The following FCRL3 variants were observed in gnomAD, a reference collection of about 807,000 sequenced individuals.
FCRL3 encodes the protein Fc receptor-like protein 3.
FCRL3 carries 89 observed loss-of-function variants against 75.0 expected under a neutral mutation model. That is an observed-to-expected ratio of 1.19 (90% CI 1.00 to 1.42). The LOEUF (loss-of-function observed/expected upper bound fraction) is 1.42, where lower values mean the gene tolerates loss of function less well. FCRL3 is among the 40% of genes most tolerant of loss of function. The pLI is 0.00. For synonymous variants in FCRL3, 376 were observed against 348.5 expected, an observed-to-expected ratio of 1.08 and a Z score of -0.88; for missense variants, 946 against 880.0, an observed-to-expected ratio of 1.07 and a Z score of -0.95.
intron 14 of FCRL3, 39 bp downstream of exon 14, chr1:157,678,903 A>G: frequency 6.2e-7 from 1 of 1,614,120 alleles, no homozygotes. Flanking sequence ...ACAGGAGAGG[A>G]AGGCCAGAGA....
chr1:157,696,604 G>A, intron 6 of FCRL3: 1 of 434,732 alleles, frequency 2.3e-6, no homozygotes, highest in Non-Finnish European at 4.1e-6. Context: ...TTATCTCTAA[G>A]GAATCTTTGA....
In FCRL3 at chr1:157,697,166, C is replaced by A; in HGVS notation, c.818G>T (p.Ser273Ile). 6.6e-7 allele frequency: 1 copy of A among 1,510,782 alleles called. No homozygotes were observed. Among genetic ancestry groups the A allele is most frequent in the Non-Finnish European group, 8.9e-7 (1 of 1,128,212 alleles). The allele number at this position is 1,510,782 out of a possible 1,614,324, so 93.6% of individuals were successfully genotyped here. Residue 273 changes from serine (S) to isoleucine (I), a missense_variant, in exon 6 of 15, where the codon AGC (serine) becomes ATC (isoleucine). Transcript: ENST00000368184. The stretch of plus-strand genomic sequence containing the variant: ...CTGTACACGTATCTGAGATCTCAGG[C>A]TCCTTTTTTTGATGCTGTGAGTCAC... Reference protein sequence around the residue: ...ETVTHSIKKRSLRSQIRVQRV... With the variant: ...ETVTHSIKKRILRSQIRVQRV...
intron 10 of FCRL3, 68 bp from the exon 11 acceptor site, chr1:157,683,312 AT>A: frequency 1.9e-6 from 3 of 1,567,170 alleles, no homozygotes; most frequent in Admixed American, 1.8e-5. Context: ...CTGTTAGAAC[AT>A]TTTTTCCTAG....
Position 157,678,527 on chromosome 1 carries a change from C to G in FCRL3, c.*183G>C, listed in dbSNP as rs998678636. 2.4e-5 allele frequency: 34 copies of G among 1,442,686 alleles called. No homozygotes were observed. The highest frequency in any genetic ancestry group is 5.0e-5 in the East Asian group (2 of 40,346). The allele number at this position is 1,442,686 out of a possible 1,614,324, so 89.4% of individuals were successfully genotyped here. A position where few individuals can be genotyped will look rare whatever the true frequency, so the allele number is the denominator to read the frequency against. On this transcript the variant is annotated 3_prime_UTR_variant, in exon 15 of 15. Coordinates refer to ENST00000368184, the MANE Select transcript of FCRL3 (RefSeq NM_052939.4). ...AGTGCTTGCTCAGAGGCTGCCTGCT[C>G]TCTTCCTGGGGAACACACAGATCAG...
Position 157,678,518 on chromosome 1 carries a change from C to T in FCRL3, c.*192G>A, listed in dbSNP as rs1557818480. The T allele has an allele frequency of 9.8e-6, 14 of 1,431,168 alleles. No individual in the cohort carries two copies. The highest frequency in any genetic ancestry group is 2.6e-4 in the Middle Eastern group (1 of 3,858). 88.7% of individuals were successfully genotyped at this position (1,431,168 alleles called of 1,614,324 possible). A position where few individuals can be genotyped will look rare whatever the true frequency, so the allele number is the denominator to read the frequency against. On this transcript the variant is annotated 3_prime_UTR_variant, in exon 15 of 15. Coordinates refer to ENST00000368184, the MANE Select transcript of FCRL3 (RefSeq NM_052939.4). The stretch of plus-strand genomic sequence containing the variant: ...AAATAACACAGTGCTTGCTCAGAGG[C>T]TGCCTGCTCTCTTCCTGGGGAACAC...
At chr1:157,700,434 G>T (rs1445777665) in intron 2 of FCRL3, 25 bp downstream of exon 2, 2 of 1,613,844 alleles carry the variant, frequency 1.2e-6, no homozygotes, top group Admixed American at 3.3e-5. Flanking sequence ...TGAGGCCGTG[G>T]CCCCATTATA....
Position 157,679,828 on chromosome 1 carries a change from C to CAAAAAAAAAAAAAAAAA in FCRL3, c.2027-856_2027-855insTTTTTTTTTTTTTTTTT, listed in dbSNP as rs879258382. Among the ~76,000 whole-genome samples, 94 of 27,910 alleles carry CAAAAAAAAAAAAAAAAA rather than the reference C, an allele frequency of 3.4e-3. 17 individuals are homozygous for CAAAAAAAAAAAAAAAAA. Among genetic ancestry groups the CAAAAAAAAAAAAAAAAA allele is most frequent in the Non-Finnish European group, 6.8e-3 (75 of 11,042 alleles). The allele number at this position is 27,910 out of a possible 152,430, so 18.3% of individuals were successfully genotyped here. ...TGGGCGACAGAACGAGACCCCATCTCACAAAAAAAAAAAAAAAAAAAAAAA... is the reference window on the plus strand; with the variant it reads ...TGGGCGACAGAACGAGACCCCATCTCAAAAAAAAAAAAAAAAAACAAAAAAAAAAAAAAAAAAAAAAA... On this transcript the variant is annotated intron_variant, in intron 13 of 14. Transcript: ENST00000368184.
chr1:157,693,271 T>C (rs1655667521), intron 8 of FCRL3, among the ~76,000 whole-genome samples: 1 of 95,218 alleles, frequency 1.1e-5, no homozygotes, highest in African/African-American at 4.3e-5. Context: ...TAAGACTCCA[T>C]CTCAAAAAAA....
rs1396757514 is a variant in FCRL3 at position 157,697,182 on chromosome 1, T to C, written c.802A>G (p.Ser268Gly). The change falls in exon 6 of 15, where the codon AGC becomes GGC. Residue 268 changes from serine to glycine, a missense_variant. Transcript: ENST00000368184. ...GATCTCAGGCTCCTTTTTTTGATGC[T>C]GTGAGTCACTGTCTCCACCTCACAC... ...YWCEVETVTHSIKKRSLRSQI... is the reference protein window; with the variant it reads ...YWCEVETVTHGIKKRSLRSQI... 20 of 1,526,796 alleles carry C rather than the reference T, an allele frequency of 1.3e-5. No homozygotes were observed. Among genetic ancestry groups the C allele is most frequent in the Non-Finnish European group, 1.3e-5 (15 of 1,135,964 alleles). The allele number at this position is 1,526,796 out of a possible 1,614,324, so 94.6% of individuals were successfully genotyped here. A position where few individuals can be genotyped will look rare whatever the true frequency, so the allele number is the denominator to read the frequency against.
Position 157,676,720 on chromosome 1 carries a change from T to C in FCRL3, c.*1990A>G, listed in dbSNP as rs1478862717. 3 of 1,550,472 alleles carry C rather than the reference T, an allele frequency of 1.9e-6. No homozygotes were observed. The Admixed American group carries it at 5.9e-5, about 30-fold the overall frequency. ...CTCTGATTTGCACAGGGCTAAGTGT[T>C]ACAAAGACATGGAAAATCTTGAACT... On this transcript the variant is annotated 3_prime_UTR_variant, in exon 15 of 15. Coordinates refer to ENST00000368184, the MANE Select transcript of FCRL3 (RefSeq NM_052939.4).
At chr1:157,680,817 C>A in intron 12 of FCRL3, 47 bp from the exon 13 acceptor site, 1 of 1,556,778 alleles carries the variant, frequency 6.4e-7, no homozygotes, top group South Asian at 1.1e-5. Flanking sequence ...AGCTCATATT[C>A]TAGACTCTAC....
In FCRL3 at chr1:157,678,789, C is replaced by G; in HGVS notation, c.2126G>C (p.Ser709Thr). The change falls in exon 15 of 15, where the codon AGC (serine) becomes ACC (threonine). Residue 709 changes from serine to threonine, a missense_variant. By Grantham distance (58) the Ser-to-Thr change is moderately conservative. Coordinates refer to ENST00000368184, the MANE Select transcript of FCRL3 (RefSeq NM_052939.4). ...HPDDSAGEAS[S>T]RGRAHEEDDE... The stretch of plus-strand genomic sequence containing the variant: ...ATCTTCTTCATGGGCCCTGCCTCTG[C>G]TGCTAGCCTCCCCTGCAGAGTCGTC... 6.2e-7 allele frequency: 1 copy of G among 1,614,086 alleles called. No homozygotes were observed. The highest frequency in any genetic ancestry group is 1.3e-5 in the African/African-American group (1 of 75,030).
chr1:157,696,497 C>T (rs1655918013), intron 6 of FCRL3, 170 bp from the exon 7 acceptor site: 1 of 625,996 alleles, frequency 1.6e-6, no homozygotes, highest in African/African-American at 1.8e-5. Flanking sequence ...AAGCAACATC[C>T]CTCTCACTCC....
chr1:157,695,297 G>A (rs771745326), intron 8 of FCRL3, 32 bp downstream of exon 8: 2 of 1,592,526 alleles, frequency 1.3e-6, no homozygotes, highest in South Asian at 1.1e-5. Flanking sequence ...TGTTGTATTG[G>A]CTGTTAACTG....
upstream of FCRL3, chr1:157,700,850 C>T (rs1009810350): frequency 1.2e-4 from 75 of 645,508 alleles, no homozygotes; most frequent in Admixed American, 3.2e-3. Flanking sequence ...ATGGGAAACC[C>T]CTTCACTACC....
At chr1:157,686,287 G>A (rs1407394324) in intron 10 of FCRL3, among the ~76,000 whole-genome samples, 1 of 151,202 alleles carries the variant, frequency 6.6e-6, no homozygotes, top group Admixed American at 6.6e-5. Flanking sequence ...CTGAAATAAA[G>A]ACAACACAAA....
intron 8 of FCRL3, 88 bp downstream of exon 8, chr1:157,695,241 C>T: frequency 7.2e-7 from 1 of 1,386,116 alleles, no homozygotes; most frequent in East Asian, 2.3e-5. Context: ...ATTGGGATAT[C>T]AACCAGCAAA....
At chr1:157,688,106 C>T (rs1655289703) in intron 10 of FCRL3, among the ~76,000 whole-genome samples, 1 of 151,936 alleles carries the variant, frequency 6.6e-6, no homozygotes, top group Admixed American at 6.6e-5. Context: ...AATAATTACA[C>T]TAGTGCAAAT....
At chr1:157,683,634 T>C (rs1654987896) in intron 10 of FCRL3, among the ~76,000 whole-genome samples, 1 of 152,182 alleles carries the variant, frequency 6.6e-6, no homozygotes, top group Non-Finnish European at 1.5e-5. Flanking sequence ...ATGCTCAAAA[T>C]GGATACAGAA....
Sources: gnomAD v4.1 joint callset for allele counts (sites outside exome capture counted in the v4.1 genomes callset) on GRCh38, gnomAD v4.1.1 for gene constraint, MANE v1.5 for transcripts, NCBI Gene and HGNC (gene_info 2026-07-23, HGNC 2026-07-21) for gene names.